Variants in POMC observed in about 807,000 individuals in gnomAD.
POMC encodes the protein pro-opiomelanocortin.
POMC carries 19 observed loss-of-function variants against 18.5 expected under a neutral mutation model. The observed-to-expected ratio is 1.03, with a 90% CI of 0.72 to 1.51. The LOEUF is 1.51. Ranked by LOEUF, POMC falls within the 40% of genes most tolerant of loss-of-function variation. The probability of loss-of-function intolerance (pLI) is 0.00; values close to 1 mark genes in which losing one functional copy is unlikely to be tolerated. For synonymous variants in POMC, 179 were observed against 161.9 expected (o/e 1.11, Z -0.80); for missense variants, 451 against 379.0 (o/e 1.19, Z -1.58).
chr2:25,161,210 G>A lies in POMC; in HGVS notation c.675C>T (p.His225=), dbSNP rs769179230. 4 of 1,613,632 alleles carry A rather than the reference G, an allele frequency of 2.5e-6. No individual in the cohort carries two copies. Among genetic ancestry groups the A allele is most frequent in the East Asian group, 2.2e-5 (1 of 44,868 alleles). ...KKDEGPYRME[H]FRWGSPPKDK... is the part of the protein sequence containing the mutation. ...CCTTGGGCGGGCTGCCCCAGCGGAA[G>A]TGCTCCATCCTGTAGGGGCCCTCGT... The change falls in exon 3 of 3, where the codon CAC becomes CAT. Residue 225 remains histidine (H), a synonymous_variant. Transcript: ENST00000395826. This position sits in a 1 kb window ranked among gnomAD's most constrained non-coding sequence, Gnocchi z 5.7.
rs771288680 is a variant in POMC, at chr2:25,164,639, A to G, written c.132+2T>C. The G allele has an allele frequency of 1.2e-6, 2 of 1,614,012 alleles. No individual in the cohort carries two copies. The highest frequency in any genetic ancestry group is 2.2e-5 in the South Asian group (2 of 91,076). ...CCAAGATGGCAGTCATGGCCCACGT[A>G]CCAGCAGGTTGCTTTCCGTGGTGAG... On this transcript the variant is annotated splice_donor_variant, in intron 2 of 2. Transcript: ENST00000395826. LOFTEE classifies it high-confidence loss of function.
chr2:25,165,952 G>A lies in POMC; in HGVS notation c.-20-1160C>T, dbSNP rs565459347. Among the ~76,000 whole-genome samples the A allele has an allele frequency of 5.7e-4, 87 of 152,348 alleles. 1 individual carries two copies. In the South Asian group the frequency reaches 0.017, roughly 29 times the overall value. On this transcript the variant is annotated intron_variant, in intron 1 of 2. Coordinates refer to ENST00000395826, the MANE Select transcript of POMC (RefSeq NM_000939.4). ...TGAGAAAAGTAATTCACATTAAAGC[G>A]TGGATGACTAAGTGTCTTGTCACTC...
rs779452700 is a variant in POMC at position 25,161,125 on chromosome 2, A to T, written c.760T>A (p.Phe254Ile). The stretch of plus-strand genomic sequence containing the variant: ...GCGTTCTTGATGATGGCGTTTTTGA[A>T]CAGCGTCACCAGGGGCGTCTGGCTC... ...EKSQTPLVTL[F>I]KNAIIKNAYK... Residue 254 changes from phenylalanine to isoleucine, a missense_variant, in exon 3 of 3, where the codon TTC becomes ATC. Physicochemically the swap from Phe to Ile is conservative, Grantham distance 21 (BLOSUM62 0). Transcript: ENST00000395826. This position sits in a 1 kb window ranked among gnomAD's most constrained non-coding sequence, Gnocchi z 5.7. 1 of 1,612,258 alleles carries T rather than the reference A, an allele frequency of 6.2e-7. No homozygotes were observed. Among genetic ancestry groups the T allele is most frequent in the Non-Finnish European group, 8.5e-7 (1 of 1,179,764 alleles).
At chr2:25,163,440 T>C (rs1671458629) in intron 2 of POMC, among the ~76,000 whole-genome samples, 1 of 152,184 alleles carries the variant, frequency 6.6e-6, no homozygotes, top group South Asian at 2.1e-4. Flanking sequence ...TTTGTTTCTA[T>C]TTTATATTAC....
chr2:25,167,881 C>T (rs946994282), intron 1 of POMC, among the ~76,000 whole-genome samples: 1 of 152,264 alleles, frequency 6.6e-6, no homozygotes, highest in Admixed American at 6.5e-5. Context: ...TGGCCGGGGG[C>T]GGTGGCTCGC....
chr2:25,164,761 C>T lies in POMC; in HGVS notation c.12G>A (p.Ser4=), dbSNP rs773178150. 28 of 1,613,788 alleles carry T rather than the reference C, an allele frequency of 1.7e-5. No individual in the cohort carries two copies. Among genetic ancestry groups the T allele is most frequent in the East Asian group, 4.5e-5 (2 of 44,900 alleles). The change falls in exon 2 of 3, where the codon TCG becomes TCA. Residue 4 remains serine (S), a synonymous_variant. Transcript: ENST00000395826. ...ACAGGGCCCCCGAGCGGCTGCAGCACGATCTCGGCATCTTCCAGGCAGGCT... is the reference window on the plus strand; with the variant it reads ...ACAGGGCCCCCGAGCGGCTGCAGCATGATCTCGGCATCTTCCAGGCAGGCT... MPR[S]CCSRSGALLL...
chr2:25,160,978 G>C lies in POMC; in HGVS notation c.*103C>G. The C allele has an allele frequency of 2.6e-6, 4 of 1,557,882 alleles. No homozygotes were observed. Among genetic ancestry groups the C allele is most frequent in the Non-Finnish European group, 3.5e-6 (4 of 1,154,054 alleles). On this transcript the variant is annotated 3_prime_UTR_variant, in exon 3 of 3. Coordinates refer to ENST00000395826, the MANE Select transcript of POMC (RefSeq NM_000939.4). ...GGCAGCTTTAAGAGGCTGATTATCT[G>C]CCACGACCCCCCAGGCTGGGAGGCG...
At position 25,161,378 on chromosome 2, in the gene POMC, G is replaced by C. The variant is rs1393878912; in HGVS notation, c.507C>G (p.Ala169=). The C allele has an allele frequency of 1.2e-6, 2 of 1,606,362 alleles. No homozygotes were observed. Among genetic ancestry groups the C allele is most frequent in the Admixed American group, 1.7e-5 (1 of 59,084 alleles). ...VYPNGAEDES[A]EAFPLEFKRE... ...TCTTGAACTCCAGGGGGAAGGCCTC[G>C]GCCGACTCGTCCTCGGCGCCGTTAG... Residue 169 remains alanine (A), a synonymous_variant, in exon 3 of 3, where the codon GCC becomes GCG. Coordinates refer to ENST00000395826, the MANE Select transcript of POMC (RefSeq NM_000939.4). The surrounding 1 kb of genome is among the most constrained non-coding windows in gnomAD (Gnocchi z 5.7).
In POMC at chr2:25,161,871, C is replaced by G; in HGVS notation, c.133-119G>C. 7.0e-7 allele frequency: 1 copy of G among 1,428,452 alleles called. No individual in the cohort carries two copies. The highest frequency in any genetic ancestry group is 2.6e-5 in the East Asian group (1 of 39,126). 88.5% of individuals were successfully genotyped at this position (1,428,452 alleles called of 1,614,324 possible). On this transcript the variant is annotated intron_variant, in intron 2 of 2. Coordinates refer to ENST00000395826, the MANE Select transcript of POMC (RefSeq NM_000939.4). The surrounding 1 kb of genome is among the most constrained non-coding windows in gnomAD (Gnocchi z 5.7). Reference sequence around the variant, plus strand: ...CGCCACGTGCCGAGGACACAGGGCACAGTGTCGGGCGTGTCAAGCGTCGAG... The same window carrying G: ...CGCCACGTGCCGAGGACACAGGGCAGAGTGTCGGGCGTGTCAAGCGTCGAG...
intron 1 of POMC, 73 bp from the exon 2 acceptor site, chr2:25,164,865 C>G: frequency 4.6e-6 from 7 of 1,522,464 alleles, no homozygotes; most frequent in Non-Finnish European, 6.3e-6. Context: ...CAGGAAGGAC[C>G]TTGAGCCAAC....
intron 1 of POMC, among the ~76,000 whole-genome samples, chr2:25,167,078 A>G (rs1199038651): frequency 6.6e-6 from 1 of 152,180 alleles, no homozygotes; most frequent in African/African-American, 2.4e-5. Flanking sequence ...GGGGCTCTCT[A>G]TGAGCTCAAC....
Position 25,161,584 on chromosome 2 carries a change from C to G in POMC, c.301G>C (p.Gly101Arg). The change falls in exon 3 of 3, where the codon GGG (glycine) becomes CGG (arginine). Residue 101 changes from glycine to arginine, a missense_variant. Gly to Arg is a moderately radical substitution (Grantham distance 125). Transcript: ENST00000395826. This position sits in a 1 kb window ranked among gnomAD's most constrained non-coding sequence, Gnocchi z 5.7. The stretch of plus-strand genomic sequence containing the variant: ...GCTGAGACGTCCTCGCGCTTCTGCC[C>G]TGCGCCGCTGCTGCCGCTGCTGCTG... ...NSSSSGSSGA[G>R]QKREDVSAGE... 1 of 1,505,218 alleles carries G rather than the reference C, an allele frequency of 6.6e-7. No individual in the cohort carries two copies. The highest frequency in any genetic ancestry group is 1.2e-5 in the South Asian group (1 of 82,464). The allele number at this position is 1,505,218 out of a possible 1,614,324, so 93.2% of individuals were successfully genotyped here.
chr2:25,167,379 T>G (rs1671592226), intron 1 of POMC, among the ~76,000 whole-genome samples: 1 of 152,202 alleles, frequency 6.6e-6, no homozygotes, highest in African/African-American at 2.4e-5. Context: ...ATTTGGGGAA[T>G]CCAAATGCCA....
At position 25,164,635 on chromosome 2, in the gene POMC, A is replaced by C; in HGVS notation, c.132+6T>G. The C allele has an allele frequency of 6.2e-7, 1 of 1,613,978 alleles. No homozygotes were observed. Among genetic ancestry groups the C allele is most frequent in the East Asian group, 2.2e-5 (1 of 44,880 alleles). On this transcript the variant is annotated splice_donor_region_variant and intron_variant, in intron 2 of 2. Coordinates refer to ENST00000395826, the MANE Select transcript of POMC (RefSeq NM_000939.4). ...TAAGCCAAGATGGCAGTCATGGCCC[A>C]CGTACCAGCAGGTTGCTTTCCGTGG...
In POMC at chr2:25,164,802, C is replaced by G. The variant is rs780567223; in HGVS notation, c.-20-10G>C. ...CAGGCAGGCTGAGGCTCTGCAGAAG[C>G]AAACAAGATTGGTGGGACCCCTGCA... On this transcript the variant is annotated splice_polypyrimidine_tract_variant and intron_variant, in intron 1 of 2. Coordinates refer to ENST00000395826, the MANE Select transcript of POMC (RefSeq NM_000939.4). 6.2e-7 allele frequency: 1 copy of G among 1,612,752 alleles called. No homozygotes were observed. Among genetic ancestry groups the G allele is most frequent in the Admixed American group, 1.7e-5 (1 of 60,020 alleles).
Position 25,168,120 on chromosome 2 carries a change from C to T in POMC, c.-21+378G>A, listed in dbSNP as rs1465238035. ...GGTGAGCAGAGATCACCCCTTTGCT[C>T]TCCAGCATGGGCAACAAGAGCGAAA... On this transcript the variant is annotated intron_variant, in intron 1 of 2. Transcript: ENST00000395826. The surrounding 1 kb of genome is among the most constrained non-coding windows in gnomAD (Gnocchi z 5.2). 6.6e-6 allele frequency among the ~76,000 whole-genome samples: 1 copy of T among 150,512 alleles called. No individual in the cohort carries two copies. The highest frequency in any genetic ancestry group is 1.5e-5 in the Non-Finnish European group (1 of 67,864).
In POMC at chr2:25,161,597, G is replaced by A; in HGVS notation, c.288C>T (p.Gly96=). 6.4e-7 allele frequency: 1 copy of A among 1,557,058 alleles called. No homozygotes were observed. The highest frequency in any genetic ancestry group is 8.7e-7 in the Non-Finnish European group (1 of 1,150,540). The change falls in exon 3 of 3, where the codon GGC becomes GGT. Residue 96 remains glycine, a synonymous_variant. Coordinates refer to ENST00000395826, the MANE Select transcript of POMC (RefSeq NM_000939.4). The surrounding 1 kb of genome is among the most constrained non-coding windows in gnomAD (Gnocchi z 5.7). ...RFGRRNSSSS[G]SSGAGQKRED... ...CGCGCTTCTGCCCTGCGCCGCTGCT[G>A]CCGCTGCTGCTGCTGTTGCGGCGGC...
Position 25,161,372 on chromosome 2 carries a change from G to A in POMC, c.513C>T (p.Ala171=). 1 of 1,605,986 alleles carries A rather than the reference G, an allele frequency of 6.2e-7. No homozygotes were observed. Among genetic ancestry groups the A allele is most frequent in the Non-Finnish European group, 8.5e-7 (1 of 1,176,628 alleles). ...PNGAEDESAE[A]FPLEFKRELT... ...GCTCCCTCTTGAACTCCAGGGGGAA[G>A]GCCTCGGCCGACTCGTCCTCGGCGC... The change falls in exon 3 of 3, where the codon GCC becomes GCT. Residue 171 remains alanine, a synonymous_variant. Coordinates refer to ENST00000395826, the MANE Select transcript of POMC (RefSeq NM_000939.4). The surrounding 1 kb of genome is among the most constrained non-coding windows in gnomAD (Gnocchi z 5.7).
chr2:25,161,362 C>G lies in POMC; in HGVS notation c.523G>C (p.Glu175Gln), dbSNP rs748961346. The G allele has an allele frequency of 1.9e-5, 31 of 1,606,392 alleles. No homozygotes were observed. Among genetic ancestry groups the G allele is most frequent in the Non-Finnish European group, 2.5e-5 (30 of 1,176,850 alleles). Residue 175 changes from glutamate (E) to glutamine (Q), a missense_variant, in exon 3 of 3, where the codon GAG becomes CAG. Coordinates refer to ENST00000395826, the MANE Select transcript of POMC (RefSeq NM_000939.4). This position sits in a 1 kb window ranked among gnomAD's most constrained non-coding sequence, Gnocchi z 5.7. ...EDESAEAFPL[E>Q]FKRELTGQRL... Reference sequence around the variant, plus strand: ...TGGCCAGTCAGCTCCCTCTTGAACTCCAGGGGGAAGGCCTCGGCCGACTCG... The same window carrying G: ...TGGCCAGTCAGCTCCCTCTTGAACTGCAGGGGGAAGGCCTCGGCCGACTCG...
Sources: allele counts gnomAD v4.1 joint callset (sites outside exome capture counted in the v4.1 genomes callset), GRCh38; gene constraint gnomAD v4.1.1; non-coding constraint Gnocchi (gnomAD v3.1); transcripts MANE v1.5; gene names NCBI Gene and HGNC (gene_info 2026-07-23, HGNC 2026-07-21).